AGPAT3: variants seen among roughly 807,000 people sequenced by gnomAD.
AGPAT3 encodes the protein 1-acyl-sn-glycerol-3-phosphate acyltransferase gamma.
AGPAT3 carries 5 observed loss-of-function variants against 47.3 expected under a neutral mutation model. The observed-to-expected ratio is 0.11, with a 90% CI of 0.06 to 0.22. The LOEUF is 0.22. Among genes scored for constraint, AGPAT3 ranks in the 10% least tolerant of loss-of-function variants. AGPAT3 has a pLI of 1.00. For missense variants in AGPAT3, 315 were observed against 493.0 expected (o/e 0.64, Z 3.42); for synonymous variants, 212 against 208.3 (o/e 1.02, Z -0.15).
At position 43,971,493 on chromosome 21, in the gene AGPAT3, G is replaced by A. The variant is rs2089391871; in HGVS notation, c.767+3G>A. The A allele has an allele frequency of 2.5e-6, 4 of 1,613,930 alleles. No homozygotes were observed. The highest frequency in any genetic ancestry group is 2.5e-6 in the Non-Finnish European group (3 of 1,179,896). ...TACGAGGCGGACATGTGCGTGAGGT[G>A]AGGCCAGACCCTGTGGCTCTCGCGC... On this transcript the variant is annotated splice_donor_region_variant and intron_variant, in intron 7 of 9. Coordinates refer to ENST00000291572, the MANE Select transcript of AGPAT3 (RefSeq NM_020132.5).
chr21:43,925,604 C>T (rs1331085265), intron 2 of AGPAT3, among the ~76,000 whole-genome samples: 1 of 152,234 alleles, frequency 6.6e-6, no homozygotes, highest in African/African-American at 2.4e-5. Context: ...AGTCTGTGCC[C>T]TCTGGGCTGG....
Position 43,977,729 on chromosome 21 carries a change from GA to G in AGPAT3, c.768-309del, listed in dbSNP as rs201044951. On this transcript the variant is annotated intron_variant, in intron 7 of 9. Coordinates refer to ENST00000291572, the MANE Select transcript of AGPAT3 (RefSeq NM_020132.5). Reference sequence around the variant, plus strand: ...CGTCTCTACTAAAAAAAAATACAAAGAAAAAAAATTAGCTGGGCGTGGTGGC... The same window carrying G: ...CGTCTCTACTAAAAAAAAATACAAAGAAAAAAATTAGCTGGGCGTGGTGGC... Among the ~76,000 whole-genome samples the G allele has an allele frequency of 5.1e-4, 77 of 151,796 alleles. 3 individuals are homozygous for G. The East Asian group carries it at 0.014, about 27-fold the overall frequency.
intron 1 of AGPAT3, among the ~76,000 whole-genome samples, chr21:43,866,141 T>G (rs1214884813): frequency 7.1e-6 from 1 of 139,872 alleles, no homozygotes; most frequent in East Asian, 2.3e-4. Flanking sequence ...TTTTTTTAAC[T>G]TTGAGAGAAG....
In AGPAT3 at chr21:43,874,080, G is replaced by A. The variant is rs1236154256; in HGVS notation, c.-112+8735G>A. The stretch of plus-strand genomic sequence containing the variant: ...AGACAGAGTCTCCCTCTGTCACGCA[G>A]GCTGGCGTGATCTCGGCTCACTGCA... On this transcript the variant is annotated intron_variant, in intron 1 of 9. Coordinates refer to ENST00000291572, the MANE Select transcript of AGPAT3 (RefSeq NM_020132.5). Among the ~76,000 whole-genome samples, 15 of 152,240 alleles carry A rather than the reference G, an allele frequency of 9.9e-5. No individual in the cohort carries two copies. The East Asian group carries it at 2.9e-3, about 29-fold the overall frequency.
chr21:43,915,549 T>C (rs1407412929), intron 2 of AGPAT3, among the ~76,000 whole-genome samples: 30 of 150,832 alleles, frequency 2.0e-4, no homozygotes, highest in African/African-American at 7.3e-4. Context: ...GTAGCTGGGA[T>C]TACAGGCATG....
chr21:43,929,628 C>G (rs2070545), intron 2 of AGPAT3, among the ~76,000 whole-genome samples: 1 of 152,224 alleles, frequency 6.6e-6, no homozygotes, highest in African/African-American at 2.4e-5. Context: ...GAACCGGACA[C>G]GGCCTGCCAG....
intron 1 of AGPAT3, among the ~76,000 whole-genome samples, chr21:43,887,758 G>T (rs1288989509): frequency 2.0e-5 from 3 of 152,206 alleles, no homozygotes; most frequent in Middle Eastern, 3.2e-3. Context: ...AGACTCAAGT[G>T]ATTCTCCTGC....
intron 2 of AGPAT3, among the ~76,000 whole-genome samples, chr21:43,924,857 C>T (rs964690401): frequency 2.0e-5 from 3 of 152,188 alleles, no homozygotes; most frequent in African/African-American, 7.2e-5. Flanking sequence ...TGGGAATGTG[C>T]GTTTTGGGAT....
chr21:43,959,079 T>TTA (rs2088664796), intron 2 of AGPAT3, among the ~76,000 whole-genome samples: 1 of 119,346 alleles, frequency 8.4e-6, no homozygotes. Context: ...TGTGTGTGGT[T>TTA]TGTGGTGTGT....
intron 2 of AGPAT3, among the ~76,000 whole-genome samples, chr21:43,948,815 G>A (rs1323093603): frequency 1.3e-5 from 2 of 152,200 alleles, no homozygotes; most frequent in Non-Finnish European, 2.9e-5. Flanking sequence ...CATGTGAGAT[G>A]TGTGTTGTTG....
intron 1 of AGPAT3, among the ~76,000 whole-genome samples, chr21:43,897,484 A>G (rs6518335): frequency 0.78 from 115,854 of 149,256 alleles, 45,130 homozygotes; most frequent in South Asian, 0.89. Flanking sequence ...CGGAGCTGTT[A>G]GGCACACCTG....
rs994487350 is a variant in AGPAT3 at position 43,920,117 on chromosome 21, C to T, written c.-49+16098C>T. 1.3e-5 allele frequency among the ~76,000 whole-genome samples: 2 copies of T among 152,178 alleles called. No homozygotes were observed. Among genetic ancestry groups the T allele is most frequent in the African/African-American group, 2.4e-5 (1 of 41,432 alleles). ...TGCACTGCAGGCGGGGGTGTGACCA[C>T]GTCCGCACCCCTCCCAGAGTGCGAG... On this transcript the variant is annotated intron_variant, in intron 2 of 9. Coordinates refer to ENST00000291572, the MANE Select transcript of AGPAT3 (RefSeq NM_020132.5). This position sits in a 1 kb window ranked among gnomAD's most constrained non-coding sequence, Gnocchi z 6.1.
At chr21:43,945,101 A>T (rs2087827145) in intron 2 of AGPAT3, among the ~76,000 whole-genome samples, 1 of 152,242 alleles carries the variant, frequency 6.6e-6, no homozygotes, top group Admixed American at 6.5e-5. Context: ...AACAGCACCT[A>T]TGACAAGGTG....
rs1183101934 is a variant in AGPAT3 at position 43,955,389 on chromosome 21, G to A, written c.-48-4245G>A. On this transcript the variant is annotated intron_variant, in intron 2 of 9. Transcript: ENST00000291572. The surrounding 1 kb of genome is among the most constrained non-coding windows in gnomAD (Gnocchi z 4.1). ...CCCATAACGCTATGCACGGACACTCGGCAAACCCATCTTAATCGTGTGTTA... is the reference window on the plus strand; with the variant it reads ...CCCATAACGCTATGCACGGACACTCAGCAAACCCATCTTAATCGTGTGTTA... The A allele has an allele frequency of 2.2e-5, 6 of 271,334 alleles. No individual in the cohort carries two copies. Among genetic ancestry groups the A allele is most frequent in the Non-Finnish European group, 3.1e-5 (5 of 163,074 alleles). 16.8% of individuals were successfully genotyped at this position (271,334 alleles called of 1,614,324 possible). A position where few individuals can be genotyped will look rare whatever the true frequency, so the allele number is the denominator to read the frequency against.
rs564895378 is a variant in AGPAT3 at position 43,955,095 on chromosome 21, G to A, written c.-48-4539G>A. ...TGCCAGCTGCCTGTCGGCAGGGAGC[G>A]TATCACCGTGGCACGTCCATGCCGT... On this transcript the variant is annotated intron_variant, in intron 2 of 9. Transcript: ENST00000291572. This position sits in a 1 kb window ranked among gnomAD's most constrained non-coding sequence, Gnocchi z 4.1. The A allele has an allele frequency of 4.3e-5, 54 of 1,262,674 alleles. 1 individual carries two copies. Among genetic ancestry groups the A allele is most frequent in the South Asian group, 2.3e-4 (18 of 78,076 alleles). The allele number at this position is 1,262,674 out of a possible 1,614,324, so 78.2% of individuals were successfully genotyped here.
At position 43,908,432 on chromosome 21, in the gene AGPAT3, A is replaced by T. The variant is rs2146072127; in HGVS notation, c.-49+4413A>T. On this transcript the variant is annotated intron_variant, in intron 2 of 9. Transcript: ENST00000291572. The surrounding 1 kb of genome is among the most constrained non-coding windows in gnomAD (Gnocchi z 4.9). ...ATCAGGGGGAGCACATGGGCTGGGAACTTGTGGAACCCGGTGTGTATGACT... is the reference window on the plus strand; with the variant it reads ...ATCAGGGGGAGCACATGGGCTGGGATCTTGTGGAACCCGGTGTGTATGACT... Among the ~76,000 whole-genome samples, 1 of 152,284 alleles carries T rather than the reference A, an allele frequency of 6.6e-6. No homozygotes were observed. Among genetic ancestry groups the T allele is most frequent in the South Asian group, 2.1e-4 (1 of 4,820 alleles).
chr21:43,968,494 G>T, intron 4 of AGPAT3, among the ~76,000 whole-genome samples: 1 of 151,808 alleles, frequency 6.6e-6, no homozygotes, highest in East Asian at 1.9e-4. Flanking sequence ...AGAGGAGCTG[G>T]GAGAGCCTTG....
At chr21:43,947,796 A>C (rs921740985) in intron 2 of AGPAT3, among the ~76,000 whole-genome samples, 1 of 150,504 alleles carries the variant, frequency 6.6e-6, no homozygotes, top group Non-Finnish European at 1.5e-5. Context: ...GGCGCCTGCC[A>C]CCACACCCGG....
intron 2 of AGPAT3, among the ~76,000 whole-genome samples, chr21:43,907,351 A>C (rs1247640349): frequency 1.3e-5 from 2 of 151,926 alleles, no homozygotes; most frequent in African/African-American, 2.4e-5. Flanking sequence ...CCTCTCTGGA[A>C]TTTCATCCAG....
Sources: allele counts gnomAD v4.1 joint callset (sites outside exome capture counted in the v4.1 genomes callset), GRCh38; gene constraint gnomAD v4.1.1; non-coding constraint Gnocchi (gnomAD v3.1); transcripts MANE v1.5; gene names NCBI Gene and HGNC (gene_info 2026-07-23, HGNC 2026-07-21).